NOC3L: variants seen among roughly 807,000 people sequenced by gnomAD.
The protein encoded by NOC3L is nucleolar complex protein 3 homolog.
NOC3L carries 85 observed loss-of-function variants against 102.5 expected under a neutral mutation model. The ratio of observed to expected loss-of-function variants is 0.83; its 90% CI spans 0.70 to 0.99. The LOEUF (loss-of-function observed/expected upper bound fraction) is 0.99. Ranked by LOEUF, NOC3L falls within the 50% of genes least tolerant of loss-of-function variation. The pLI, the probability that NOC3L is intolerant of heterozygous loss-of-function variation, is 0.00. For missense variants in NOC3L, 878 were observed against 914.9 expected (o/e 0.96, Z 0.52); for synonymous variants, 303 against 309.4 (o/e 0.98, Z 0.22).
Position 94,355,002 on chromosome 10 carries a change from T to C in NOC3L, c.657A>G (p.Ala219=), listed in dbSNP as rs148950965. Residue 219 remains alanine (A), a synonymous_variant, in exon 6 of 21, where the codon GCA becomes GCG. Transcript: ENST00000371361. ...KKLQEKKMHI[A]ALASAILSDP... Reference sequence around the variant, plus strand: ...CTGATAATATGGCAGATGCCAAGGCTGCAATATGCATCTTCTTCTCCTGTA... The same window carrying C: ...CTGATAATATGGCAGATGCCAAGGCCGCAATATGCATCTTCTTCTCCTGTA... 7.2e-5 allele frequency: 116 copies of C among 1,613,374 alleles called. No individual in the cohort carries two copies. The African/African-American group carries it at 1.4e-3, about 20-fold the overall frequency.
chr10:94,316,487 A>G, the NOC3L span: 1 of 1,053,150 alleles, frequency 9.5e-7, no homozygotes, highest in Admixed American at 1.7e-5. Flanking sequence ...GAACACCATG[A>G]AAGTTGATTT....
intron 2 of NOC3L, among the ~76,000 whole-genome samples, chr10:94,360,908 A>G (rs1304352020): frequency 1.3e-5 from 2 of 151,618 alleles, no homozygotes; most frequent in Non-Finnish European, 2.9e-5. Context: ...GCACTTTTGG[A>G]GGCTGAAGCA....
chr10:94,345,884 C>G (rs2054336948), intron 11 of NOC3L, among the ~76,000 whole-genome samples: 1 of 151,994 alleles, frequency 6.6e-6, no homozygotes, highest in Non-Finnish European at 1.5e-5. Flanking sequence ...GTTTATAAAG[C>G]CTGCCAAGTG....
In NOC3L at chr10:94,341,713, T is replaced by C. The variant is rs371775395; in HGVS notation, c.1604A>G (p.Asp535Gly). The stretch of plus-strand genomic sequence containing the variant: ...AGTATGAAGAACTACTAACAGATCA[T>C]CAAAAAATTCCACATTTATAAGGTG... ...FAHLINVEFF[D>G]DLLVVLHTLI... The change falls in exon 14 of 21, where the codon GAT becomes GGT. Residue 535 changes from aspartate to glycine, a missense_variant. Physicochemically the swap from Asp to Gly is moderately conservative, Grantham distance 94. Coordinates refer to ENST00000371361, the MANE Select transcript of NOC3L (RefSeq NM_022451.11). 10 of 1,569,794 alleles carry C rather than the reference T, an allele frequency of 6.4e-6. No individual in the cohort carries two copies. The highest frequency in any genetic ancestry group is 8.6e-6 in the Non-Finnish European group (10 of 1,156,090).
chr10:94,339,020 A>G (rs1037969013), intron 17 of NOC3L, among the ~76,000 whole-genome samples: 50 of 152,378 alleles, frequency 3.3e-4, no homozygotes, highest in African/African-American at 1.1e-3. Flanking sequence ...TCTGATAGAA[A>G]TAATTACATC....
chr10:94,326,419 G>A, the NOC3L span, among the ~76,000 whole-genome samples: 2 of 152,142 alleles, frequency 1.3e-5, no homozygotes, highest in Non-Finnish European at 2.9e-5. Flanking sequence ...ATTACACTCT[G>A]CAGTGGTCAA....
intron 14 of NOC3L, 115 bp downstream of exon 14, chr10:94,341,558 C>G: frequency 2.2e-6 from 1 of 457,904 alleles, no homozygotes; most frequent in Non-Finnish European, 3.8e-6. Context: ...AATTCATAAA[C>G]TGTACATCTA....
At position 94,353,484 on chromosome 10, in the gene NOC3L, A is replaced by G. The variant is rs2054447349; in HGVS notation, c.697-427T>C. Among the ~76,000 whole-genome samples, 4 of 152,126 alleles carry G rather than the reference A, an allele frequency of 2.6e-5. No homozygotes were observed. In the South Asian group the frequency reaches 8.3e-4, roughly 32 times the overall value. ...TTTTAAACAACCAGCTCTCACATGA[A>G]CTACCAGAGTGAGAAGTCACTTGTT... On this transcript the variant is annotated intron_variant, in intron 6 of 20. Coordinates refer to ENST00000371361, the MANE Select transcript of NOC3L (RefSeq NM_022451.11).
chr10:94,361,386 G>A (rs1367226708), intron 2 of NOC3L: 1 of 415,114 alleles, frequency 2.4e-6, no homozygotes, highest in African/African-American at 2.0e-5. Flanking sequence ...ATGTAACGGA[G>A]TACTTTCAGT....
At chr10:94,356,721 G>A in intron 4 of NOC3L, 130 bp from the exon 5 acceptor site, 1 of 637,888 alleles carries the variant, frequency 1.6e-6, no homozygotes, top group Non-Finnish European at 2.8e-6. Flanking sequence ...CACAATTAGT[G>A]ATTGAGGTGA....
At chr10:94,321,774 G>GTA in the NOC3L span, 18 of 689,336 alleles carry the variant, frequency 2.6e-5, no homozygotes, top group Non-Finnish European at 4.3e-5. Flanking sequence ...TAATAACATA[G>GTA]TATATGAGAT....
intron 10 of NOC3L, among the ~76,000 whole-genome samples, chr10:94,347,310 C>T (rs904134672): frequency 2.0e-5 from 3 of 152,110 alleles, no homozygotes; most frequent in African/African-American, 7.2e-5. Context: ...TAACTAAAGG[C>T]ATAAAGAGTG....
chr10:94,362,047 T>C, intron 1 of NOC3L, 175 bp from the exon 2 acceptor site: 2 of 667,064 alleles, frequency 3.0e-6, no homozygotes, highest in Admixed American at 4.4e-5. Flanking sequence ...AGAAGAGCGC[T>C]ACAGCATCAG....
At chr10:94,335,540 A>C (rs1385450918) in intron 19 of NOC3L, among the ~76,000 whole-genome samples, 1 of 152,188 alleles carries the variant, frequency 6.6e-6, no homozygotes, top group Non-Finnish European at 1.5e-5. Context: ...GCCAAAAGTT[A>C]TCTCCATCCT....
chr10:94,324,855 T>C, the NOC3L span: 1 of 1,598,010 alleles, frequency 6.3e-7, no homozygotes. Context: ...AACCTGAGTT[T>C]AACCTAACAC....
intron 16 of NOC3L, 110 bp downstream of exon 16, chr10:94,340,166 T>C: frequency 1.1e-6 from 1 of 944,280 alleles, no homozygotes; most frequent in Non-Finnish European, 1.6e-6. Context: ...CACTGGAAAG[T>C]CACCATTTTA....
chr10:94,358,749 C>G (rs1381317891), intron 2 of NOC3L, among the ~76,000 whole-genome samples: 1 of 152,192 alleles, frequency 6.6e-6, no homozygotes, highest in Non-Finnish European at 1.5e-5. Flanking sequence ...ACTTCCACAG[C>G]ACTTCTTCCT....
rs2054265806 is a variant in NOC3L, at chr10:94,340,180, A to G, written c.1780+96T>C. ...GCACTGGAAAGTCACCATTTTATGT[A>G]CCTGTTCCTATTTCTCATTTGTCTA... On this transcript the variant is annotated intron_variant, in intron 16 of 20. Transcript: ENST00000371361. 10 of 1,033,512 alleles carry G rather than the reference A, an allele frequency of 9.7e-6. No homozygotes were observed. The South Asian group carries it at 1.4e-4, about 15-fold the overall frequency. The allele number at this position is 1,033,512 out of a possible 1,614,324, so 64.0% of individuals were successfully genotyped here.
chr10:94,352,175 C>T (rs999428814), intron 8 of NOC3L, 135 bp downstream of exon 8: 4 of 529,768 alleles, frequency 7.6e-6, no homozygotes, highest in Non-Finnish European at 1.3e-5. Context: ...CAGGATTTGA[C>T]CCCTGGAAGT....
Sources: allele counts gnomAD v4.1 joint callset (sites outside exome capture counted in the v4.1 genomes callset), GRCh38; gene constraint gnomAD v4.1.1; transcripts MANE v1.5; gene names NCBI Gene and HGNC (gene_info 2026-07-23, HGNC 2026-07-21).